The following KIZ variants were observed in gnomAD, a reference collection of about 807,000 sequenced individuals.
The protein encoded by KIZ is centrosomal protein kizuna.
A neutral mutation model predicts 79.6 loss-of-function variants in KIZ; 68 were observed. That is an observed-to-expected ratio of 0.85 (90% confidence interval 0.70 to 1.05). The LOEUF is 1.05. Among genes scored for constraint, KIZ ranks in the 50% least tolerant of loss-of-function variants. KIZ has a pLI of 0.00. For synonymous variants in KIZ, 280 were observed against 281.8 expected (o/e 0.99, Z 0.06); for missense variants, 797 against 800.4 (o/e 1.00, Z 0.05).
intron 1 of KIZ, among the ~76,000 whole-genome samples, chr20:21,128,278 GTT>G (rs752482949): frequency 3.9e-5 from 6 of 152,188 alleles, no homozygotes; most frequent in Non-Finnish European, 5.9e-5. Context: ...CTTCCAAAGT[GTT>G]GGGATTACAG....
intron 4 of KIZ, among the ~76,000 whole-genome samples, chr20:21,150,400 C>T (rs1362692932): frequency 6.6e-6 from 1 of 152,204 alleles, no homozygotes; most frequent in Non-Finnish European, 1.5e-5. Flanking sequence ...CCAGCAGCCT[C>T]CTTGAATCAC....
At chr20:21,212,570 T>G (rs1401025115) in intron 7 of KIZ, among the ~76,000 whole-genome samples, 3 of 152,258 alleles carry the variant, frequency 2.0e-5, no homozygotes, top group Non-Finnish European at 4.4e-5. Flanking sequence ...TAAATACATT[T>G]CTGACTTACA....
intron 6 of KIZ, chr20:21,194,555 G>A (rs1013528456): frequency 6.6e-5 from 10 of 152,182 alleles, no homozygotes; most frequent in African/African-American, 2.4e-4. Context: ...GAAATCCTCA[G>A]CATAAACCAG....
intron 7 of KIZ, among the ~76,000 whole-genome samples, chr20:21,205,874 T>C (rs915222205): frequency 6.6e-6 from 1 of 151,654 alleles, no homozygotes; most frequent in Admixed American, 6.6e-5. Context: ...GGCAGGAGAA[T>C]TGCTTGAACC....
intron 2 of KIZ, among the ~76,000 whole-genome samples, chr20:21,136,054 G>A (rs866051401): frequency 3.9e-4 from 60 of 152,220 alleles, no homozygotes; most frequent in African/African-American, 1.3e-3. Context: ...TGAGCCATTC[G>A]TCGAACATGT....
rs930900930 is a variant in KIZ at position 21,243,997 on chromosome 20, G to A, written c.1881-248G>A. 2.6e-5 allele frequency among the ~76,000 whole-genome samples: 4 copies of A among 152,140 alleles called. No homozygotes were observed. The South Asian group carries it at 6.2e-4, about 24-fold the overall frequency. On this transcript the variant is annotated intron_variant, in intron 11 of 12. Transcript: ENST00000619189. ...CCACACAGGCACAGCTCAGCAGGGC[G>A]GGGTGGGCCATGCAGACCTGCCGAG... is the stretch of plus-strand genomic sequence containing the variant.
intron 4 of KIZ, chr20:21,158,662 C>T (rs2033502153): frequency 6.6e-6 from 1 of 152,188 alleles, no homozygotes; most frequent in South Asian, 2.1e-4. Context: ...CTTAGAGTTG[C>T]TTTCTCTGGG....
chr20:21,233,185 G>A (rs372020378), intron 11 of KIZ, among the ~76,000 whole-genome samples: 1 of 152,194 alleles, frequency 6.6e-6, no homozygotes, highest in Admixed American at 6.5e-5. Context: ...AAATAAAGTG[G>A]CATGTTTCTT....
chr20:21,172,561 T>G (rs970500723), intron 6 of KIZ, among the ~76,000 whole-genome samples: 4 of 151,836 alleles, frequency 2.6e-5, no homozygotes, highest in Non-Finnish European at 5.9e-5. Flanking sequence ...ATTGTGCCAC[T>G]GCACTCCAGC....
intron 9 of KIZ, 43 bp from the exon 10 acceptor site, chr20:21,228,968 C>A: frequency 9.3e-7 from 1 of 1,072,888 alleles, no homozygotes; most frequent in South Asian, 1.4e-5. Context: ...TCTTTCTGGC[C>A]AGTAAAAAAT....
intron 9 of KIZ, chr20:21,225,976 C>T (rs2036641171): frequency 6.6e-6 from 1 of 152,244 alleles, no homozygotes; most frequent in Non-Finnish European, 1.5e-5. Flanking sequence ...GAAAGCTTTT[C>T]CTAACATCTA....
chr20:21,216,922 T>G (rs1008919253), intron 9 of KIZ, among the ~76,000 whole-genome samples: 1 of 152,230 alleles, frequency 6.6e-6, no homozygotes, highest in Non-Finnish European at 1.5e-5. Flanking sequence ...TGCAAATGTA[T>G]TTTCTCATAT....
intron 6 of KIZ, among the ~76,000 whole-genome samples, chr20:21,165,272 A>G (rs1212958726): frequency 6.6e-6 from 1 of 152,212 alleles, no homozygotes; most frequent in South Asian, 2.1e-4. Context: ...TGAAGTCTGT[A>G]TAGGCTTTGA....
At chr20:21,232,543 C>A (rs1003477874) in intron 10 of KIZ, among the ~76,000 whole-genome samples, 191 bp from the exon 11 acceptor site, 4 of 152,162 alleles carry the variant, frequency 2.6e-5, no homozygotes, top group Non-Finnish European at 5.9e-5. Context: ...AGGAAAGTGC[C>A]TCACTCCCTT....
intron 1 of KIZ, among the ~76,000 whole-genome samples, chr20:21,131,264 C>T (rs888412079): frequency 1.5e-4 from 23 of 152,194 alleles, no homozygotes; most frequent in Non-Finnish European, 2.9e-4. Context: ...GACAGGTTTT[C>T]TCCTTAGCTT....
chr20:21,170,116 G>C lies in KIZ; in HGVS notation c.1352+6957G>C, dbSNP rs531231338. Among the ~76,000 whole-genome samples the C allele has an allele frequency of 6.6e-4, 100 of 152,068 alleles. No individual in the cohort carries two copies. The South Asian group carries it at 6.9e-3, about 10-fold the overall frequency. The stretch of plus-strand genomic sequence containing the variant: ...TCATTGATGGATCATGTGTAAGTCT[G>C]TTTTTGGTATGGGGTTATTTAGTTT... On this transcript the variant is annotated intron_variant, in intron 6 of 12. Transcript: ENST00000619189.
At chr20:21,134,644 C>A (rs966432309) in intron 2 of KIZ, among the ~76,000 whole-genome samples, 3 of 149,388 alleles carry the variant, frequency 2.0e-5, no homozygotes, top group African/African-American at 7.4e-5. Context: ...TTGATTAACT[C>A]TCATTCATCT....
chr20:21,198,582 T>G (rs2035457222), intron 6 of KIZ: 2 of 152,382 alleles, frequency 1.3e-5, no homozygotes, highest in South Asian at 4.1e-4. Context: ...GTTAAAGATA[T>G]AAATAGGGAG....
At chr20:21,240,309 G>C (rs1343541908) in intron 11 of KIZ, among the ~76,000 whole-genome samples, 1 of 152,090 alleles carries the variant, frequency 6.6e-6, no homozygotes, top group Non-Finnish European at 1.5e-5. Flanking sequence ...ATTATTAGTA[G>C]AGACAGGGTT....
Sources: gnomAD v4.1 joint callset for allele counts (sites outside exome capture counted in the v4.1 genomes callset) on GRCh38, gnomAD v4.1.1 for gene constraint, MANE v1.5 for transcripts, NCBI Gene and HGNC (gene_info 2026-07-23, HGNC 2026-07-21) for gene names.